The following NWD1 variants were observed in gnomAD, a reference collection of about 807,000 sequenced individuals.
NWD1 encodes NACHT domain- and WD repeat-containing protein 1.
Under a neutral mutation model 135.1 loss-of-function variants are expected in NWD1, and 129 were observed. The ratio of observed to expected loss-of-function variants is 0.96; its 90% confidence interval spans 0.83 to 1.11. The LOEUF (loss-of-function observed/expected upper bound fraction) is 1.11, where lower values mean the gene tolerates loss of function less well. Ranked by LOEUF, NWD1 falls within the 50% of genes least tolerant of loss-of-function variation. NWD1 has a pLI of 0.00. For missense variants in NWD1, 1,740 were observed against 1,851.3 expected, an observed-to-expected ratio of 0.94 and a Z score of 1.10; for synonymous variants, 773 against 786.0, an observed-to-expected ratio of 0.98 and a Z score of 0.28.
At chr19:16,806,572 G>T (rs181524307) in intron 17 of NWD1, among the ~76,000 whole-genome samples, 22 of 152,204 alleles carry the variant, frequency 1.4e-4, no homozygotes, top group East Asian at 1.9e-4. Flanking sequence ...TTAGCTGGGC[G>T]TGGTGGCCCG....
intron 6 of NWD1, 64 bp downstream of exon 6, chr19:16,750,475 A>T (rs776843065): frequency 1.0e-5 from 13 of 1,290,620 alleles, no homozygotes; most frequent in Non-Finnish European, 1.3e-5. Flanking sequence ...ATTTTTAGAG[A>T]TGGAGGTCTG....
At chr19:16,795,291 A>G (rs1970381959) in intron 15 of NWD1, among the ~76,000 whole-genome samples, 1 of 152,202 alleles carries the variant, frequency 6.6e-6, no homozygotes, top group Admixed American at 6.5e-5. Context: ...TGCTTCAAGC[A>G]CTGACACAGG....
chr19:16,741,733 T>C (rs535915567), intron 4 of NWD1, among the ~76,000 whole-genome samples: 1 of 152,016 alleles, frequency 6.6e-6, no homozygotes, highest in South Asian at 2.1e-4. Flanking sequence ...GTACGACCCA[T>C]GTTTTACCCT....
chr19:16,759,665 C>T (rs943850647), intron 7 of NWD1, among the ~76,000 whole-genome samples: 1 of 151,986 alleles, frequency 6.6e-6, no homozygotes, highest in African/African-American at 2.4e-5. Flanking sequence ...TTGCTGGAGG[C>T]CAGGAGTTGG....
intron 3 of NWD1, among the ~76,000 whole-genome samples, chr19:16,732,101 C>CA (rs572319273): frequency 1.4e-3 from 210 of 151,758 alleles, no homozygotes; most frequent in Non-Finnish European, 2.5e-3. Flanking sequence ...CCTGTAGTCC[C>CA]AGCTACTCAG....
rs113837227 is a variant in NWD1, at chr19:16,765,019, C to G, written c.2252-15C>G. 1.9e-4 allele frequency: 312 copies of G among 1,613,830 alleles called. No individual in the cohort carries two copies. The Middle Eastern group carries it at 2.3e-3, about 12-fold the overall frequency. ...GGTAGGCACTTCCCACATCCTCCCC[C>G]CTTCTCTCCCTCAGGCAGCATGAGC... On this transcript the variant is annotated splice_polypyrimidine_tract_variant and intron_variant, in intron 9 of 18. Transcript: ENST00000524140.
intron 7 of NWD1, among the ~76,000 whole-genome samples, chr19:16,760,576 T>C (rs1158284208): frequency 6.6e-6 from 1 of 150,778 alleles, no homozygotes; most frequent in African/African-American, 2.4e-5. Context: ...CCACATTTTA[T>C]TTTATTTATT....
intron 12 of NWD1, among the ~76,000 whole-genome samples, chr19:16,781,813 C>T (rs1047913364): frequency 3.9e-5 from 6 of 152,010 alleles, no homozygotes; most frequent in African/African-American, 1.4e-4. Context: ...CTAATCTAGG[C>T]CAGGTGCAGT....
chr19:16,779,115 A>G (rs1033220773), intron 11 of NWD1, among the ~76,000 whole-genome samples: 1 of 152,188 alleles, frequency 6.6e-6, no homozygotes, highest in African/African-American at 2.4e-5. Context: ...ACTGTGATGC[A>G]GTCCCCTTCC....
In NWD1 at chr19:16,794,542, T is replaced by G. The variant is rs1970356551; in HGVS notation, c.3293T>G (p.Leu1098Arg). 13 of 1,604,882 alleles carry G rather than the reference T, an allele frequency of 8.1e-6. No individual in the cohort carries two copies. Among genetic ancestry groups the G allele is most frequent in the Non-Finnish European group, 1.0e-5 (12 of 1,173,976 alleles). Residue 1098 changes from leucine to arginine, a missense_variant, in exon 15 of 19, where the codon CTC becomes CGC. Transcript: ENST00000524140. ...RFLVVSEDES[L>R]LAAGFGRSVR... ...CTGGTGGTCTCTGAAGATGAGTCCC[T>G]CCTCGCCGCAGGTAGCGTTTAGCTC...
At chr19:16,759,125 A>C in intron 6 of NWD1, 100 bp from the exon 7 acceptor site, 6 of 890,582 alleles carry the variant, frequency 6.7e-6, no homozygotes, top group Admixed American at 1.8e-5. Flanking sequence ...TGTGCTGGAC[A>C]CCGCGCGGGT....
Position 16,750,412 on chromosome 19 carries a change from G to C in NWD1, c.1769+1G>C. ...TGCTGGGCTACATTGTGTCTTCCCG[G>C]TAAGTCTCTGTGTTTTGAAACTCTT... On this transcript the variant is annotated splice_donor_variant, in intron 6 of 18. Transcript: ENST00000524140. LOFTEE classifies it high-confidence loss of function. 2 of 1,540,944 alleles carry C rather than the reference G, an allele frequency of 1.3e-6. No individual in the cohort carries two copies. The highest frequency in any genetic ancestry group is 1.7e-6 in the Non-Finnish European group (2 of 1,147,078).
At chr19:16,765,304 G>C in intron 10 of NWD1, 112 bp downstream of exon 10, 1 of 1,052,624 alleles carries the variant, frequency 9.5e-7, no homozygotes, top group South Asian at 1.8e-5. Context: ...TACCTTTCCT[G>C]TCTAAACATG....
At chr19:16,781,962 T>C (rs1178330024) in intron 12 of NWD1, among the ~76,000 whole-genome samples, 7 of 151,012 alleles carry the variant, frequency 4.6e-5, no homozygotes, top group East Asian at 1.9e-4. Flanking sequence ...GGCGTGATGG[T>C]GGGTGCCTGT....
Position 16,815,439 on chromosome 19 carries a change from T to C in NWD1, c.*400T>C. The C allele has an allele frequency of 1.7e-6, 1 of 605,126 alleles. No homozygotes were observed. Among genetic ancestry groups the C allele is most frequent in the South Asian group, 2.1e-5 (1 of 48,570 alleles). 37.5% of individuals were successfully genotyped at this position (605,126 alleles called of 1,614,324 possible). Reference sequence around the variant, plus strand: ...GTTTGCTGGTGTATATCTGGACCCATGGCTTCAGATTATGGCTTCAGACCT... The same window carrying C: ...GTTTGCTGGTGTATATCTGGACCCACGGCTTCAGATTATGGCTTCAGACCT... On this transcript the variant is annotated 3_prime_UTR_variant, in exon 19 of 19. Coordinates refer to ENST00000524140, the MANE Select transcript of NWD1 (RefSeq NM_001007525.5).
At chr19:16,761,867 C>G in intron 7 of NWD1, 112 bp from the exon 8 acceptor site, 1 of 778,218 alleles carries the variant, frequency 1.3e-6, no homozygotes, top group South Asian at 1.8e-5. Flanking sequence ...AGGTGGTCAA[C>G]AGAGTGGTTT....
At chr19:16,797,311 G>A (rs1970447649) in intron 15 of NWD1, among the ~76,000 whole-genome samples, 1 of 151,518 alleles carries the variant, frequency 6.6e-6, no homozygotes, top group Admixed American at 6.6e-5. Context: ...GCACCTAGCA[G>A]GGGTTCCAAA....
At chr19:16,768,306 T>G (rs1323916870) in intron 10 of NWD1, among the ~76,000 whole-genome samples, 1 of 139,358 alleles carries the variant, frequency 7.2e-6, no homozygotes, top group Non-Finnish European at 1.5e-5. Context: ...AAGAATTTCC[T>G]TCCTTTTCAA....
chr19:16,761,881 A>T, intron 7 of NWD1, 98 bp from the exon 8 acceptor site: 1 of 965,734 alleles, frequency 1.0e-6, no homozygotes, highest in Admixed American at 2.1e-5. Flanking sequence ...GTGGTTTAGG[A>T]TGGCTTGGGA....
Sources: gnomAD v4.1 joint callset for allele counts (sites outside exome capture counted in the v4.1 genomes callset) on GRCh38, gnomAD v4.1.1 for gene constraint, MANE v1.5 for transcripts, NCBI Gene and HGNC (gene_info 2026-07-23, HGNC 2026-07-21) for gene names.